PAWR: variants seen among roughly 807,000 people sequenced by gnomAD.
PAWR encodes the protein PRKC apoptosis WT1 regulator protein.
A neutral mutation model predicts 32.0 loss-of-function variants in PAWR; 23 were observed. The ratio of observed to expected loss-of-function variants is 0.72; its 90% CI spans 0.52 to 1.02. The LOEUF (loss-of-function observed/expected upper bound fraction) is 1.02, where lower values mean the gene tolerates loss of function less well. Among genes scored for constraint, PAWR ranks in the 50% least tolerant of loss-of-function variants. The pLI is 0.00. For missense variants in PAWR, 457 were observed against 437.7 expected (o/e 1.04, Z -0.39); for synonymous variants, 226 against 187.1 (o/e 1.21, Z -1.70).
intron 2 of PAWR, among the ~76,000 whole-genome samples, chr12:79,632,338 T>TACATATATATATATAC (rs1566011012): frequency 5.1e-5 from 3 of 58,686 alleles, no homozygotes; most frequent in East Asian, 5.7e-4. Flanking sequence ...TATATATATA[T>TACATATATATATATAC]ATATATATAT....
chr12:79,679,647 T>G (rs1054305910), intron 2 of PAWR, among the ~76,000 whole-genome samples: 11 of 152,286 alleles, frequency 7.2e-5, no homozygotes, highest in African/African-American at 2.4e-4. Flanking sequence ...AGTATTAGCC[T>G]GGTGGGGCCA....
rs1361872224 is a variant in PAWR, at chr12:79,584,942, A to G, written c.*7665T>C. On this transcript the variant is annotated 3_prime_UTR_variant, in exon 7 of 7. Coordinates refer to ENST00000328827, the MANE Select transcript of PAWR (RefSeq NM_002583.4). ...CTTAAAAGTTTGATGAAAGCGCATT[A>G]TTGTTACCAAAAGTCTTCAGGCAAT... 3 of 207,160 alleles carry G rather than the reference A, an allele frequency of 1.4e-5. No homozygotes were observed. The highest frequency in any genetic ancestry group is 2.4e-5 in the African/African-American group (1 of 42,372). The allele number at this position is 207,160 out of a possible 1,614,324, so 12.8% of individuals were successfully genotyped here.
chr12:79,659,429 G>A (rs1369215640), intron 2 of PAWR, among the ~76,000 whole-genome samples: 1 of 152,036 alleles, frequency 6.6e-6, no homozygotes, highest in African/African-American at 2.4e-5. Flanking sequence ...ACATAAATAG[G>A]CTTTATTTGT....
chr12:79,672,254 T>C (rs1877940450), intron 2 of PAWR, among the ~76,000 whole-genome samples: 1 of 152,132 alleles, frequency 6.6e-6, no homozygotes, highest in African/African-American at 2.4e-5. Flanking sequence ...CTTCCTCTGC[T>C]TCAACCAACA....
chr12:79,621,613 T>A (rs8176867), intron 2 of PAWR, among the ~76,000 whole-genome samples: 1 of 152,152 alleles, frequency 6.6e-6, no homozygotes, highest in South Asian at 2.1e-4. Context: ...TATAGATAGA[T>A]AGATAACTTA....
chr12:79,632,753 AATAGAT>A (rs1255707216), intron 2 of PAWR, among the ~76,000 whole-genome samples: 1 of 152,030 alleles, frequency 6.6e-6, no homozygotes, highest in Admixed American at 6.6e-5. Context: ...TGCTGTAACA[AATAGAT>A]ATCCATATAT....
rs575606090 is a variant in PAWR, at chr12:79,685,546, T to C, written c.516+4183A>G. ...ACACGAGTTCAAACTATGGAGTAGG[T>C]GTCATGACCCCATCTTGATAGAAAA... On this transcript the variant is annotated intron_variant, in intron 2 of 6. Coordinates refer to ENST00000328827, the MANE Select transcript of PAWR (RefSeq NM_002583.4). Among the ~76,000 whole-genome samples, 10 of 152,328 alleles carry C rather than the reference T, an allele frequency of 6.6e-5. No homozygotes were observed. In the East Asian group the frequency reaches 1.9e-3, roughly 29 times the overall value.
intron 2 of PAWR, among the ~76,000 whole-genome samples, chr12:79,673,198 T>G (rs1419913627): frequency 6.6e-6 from 1 of 151,924 alleles, no homozygotes; most frequent in South Asian, 2.1e-4. Flanking sequence ...GCCTCCCGAG[T>G]AGCTGGGACT....
intron 3 of PAWR, among the ~76,000 whole-genome samples, chr12:79,614,310 T>C (rs1365769103): frequency 6.7e-6 from 1 of 149,806 alleles, no homozygotes; most frequent in East Asian, 1.9e-4. Context: ...GCGCCCGGCC[T>C]TATAGTCTTT....
chr12:79,642,365 T>G (rs1175934415), intron 2 of PAWR, among the ~76,000 whole-genome samples: 2 of 152,164 alleles, frequency 1.3e-5, no homozygotes, highest in Non-Finnish European at 1.5e-5. Flanking sequence ...CATGCCTACA[T>G]TAGGTCAGAT....
chr12:79,632,648 C>T (rs1019570515), intron 2 of PAWR, among the ~76,000 whole-genome samples: 7 of 151,448 alleles, frequency 4.6e-5, no homozygotes, highest in African/African-American at 1.2e-4. Flanking sequence ...GGATTATAGG[C>T]GTGCAGCATA....
intron 2 of PAWR, among the ~76,000 whole-genome samples, chr12:79,647,395 G>A (rs1040502882): frequency 1.3e-5 from 2 of 152,074 alleles, no homozygotes; most frequent in African/African-American, 4.8e-5. Context: ...CAAGTTTTTT[G>A]GGATTTACAC....
chr12:79,673,170 C>T (rs1028519139), intron 2 of PAWR, among the ~76,000 whole-genome samples: 5 of 151,990 alleles, frequency 3.3e-5, no homozygotes, highest in South Asian at 2.1e-4. Context: ...CCCAGGTTCA[C>T]GCTATTCTCC....
chr12:79,637,086 G>A (rs920609706), intron 2 of PAWR, among the ~76,000 whole-genome samples: 1 of 152,116 alleles, frequency 6.6e-6, no homozygotes, highest in Non-Finnish European at 1.5e-5. Context: ...TTATATAAAT[G>A]TAGTTCAAAA....
intron 2 of PAWR, among the ~76,000 whole-genome samples, chr12:79,630,916 A>G (rs1275473469): frequency 6.6e-6 from 1 of 152,102 alleles, no homozygotes; most frequent in Non-Finnish European, 1.5e-5. Context: ...AATCTGGTAA[A>G]GACAGACAAA....
intron 2 of PAWR, among the ~76,000 whole-genome samples, chr12:79,680,664 C>T (rs1253981528): frequency 1.3e-5 from 2 of 152,048 alleles, no homozygotes; most frequent in Non-Finnish European, 2.9e-5. Context: ...ATAATTACTC[C>T]AGCTCCAACC....
intron 4 of PAWR, among the ~76,000 whole-genome samples, chr12:79,598,898 G>A (rs958561211): frequency 3.3e-5 from 5 of 151,970 alleles, no homozygotes; most frequent in Admixed American, 2.0e-4. Flanking sequence ...CACCATGCCC[G>A]GCTAATTTTT....
intron 2 of PAWR, among the ~76,000 whole-genome samples, chr12:79,640,424 ACT>A (rs1394115247): frequency 2.6e-5 from 4 of 152,168 alleles, no homozygotes; most frequent in Admixed American, 6.5e-5. Flanking sequence ...ACCAAGAAAG[ACT>A]CTGTCTTCTC....
intron 3 of PAWR, among the ~76,000 whole-genome samples, chr12:79,620,537 T>C (rs1478962314): frequency 6.6e-6 from 1 of 152,138 alleles, no homozygotes; most frequent in Non-Finnish European, 1.5e-5. Context: ...GCCTCATTTG[T>C]GAGGCAAGGT....
Sources: allele counts gnomAD v4.1 joint callset (sites outside exome capture counted in the v4.1 genomes callset), GRCh38; gene constraint gnomAD v4.1.1; transcripts MANE v1.5; gene names NCBI Gene and HGNC (gene_info 2026-07-23, HGNC 2026-07-21).